Variants in USP32 observed in about 807,000 individuals in gnomAD.
USP32 encodes the protein ubiquitin carboxyl-terminal hydrolase 32.
Under a neutral mutation model 204.8 loss-of-function variants are expected in USP32, and 59 were observed. That is an observed-to-expected ratio of 0.29 (90% confidence interval 0.23 to 0.36). The LOEUF (loss-of-function observed/expected upper bound fraction) is 0.36, where lower values mean the gene tolerates loss of function less well. USP32 is among the 10% of genes least tolerant of loss of function. The pLI, the probability that USP32 is intolerant of heterozygous loss-of-function variation, is 1.00. For synonymous variants in USP32, 517 were observed against 678.4 expected (o/e 0.76, Z 3.70); for missense variants, 1,160 against 1,946.4 (o/e 0.60, Z 7.60).
intron 1 of USP32, among the ~76,000 whole-genome samples, chr17:60,381,103 G>T (rs2089639615): frequency 6.6e-6 from 1 of 152,110 alleles, no homozygotes; most frequent in Non-Finnish European, 1.5e-5. Context: ...CTCCTTTAAG[G>T]AGAAAGCACA....
At chr17:60,392,663 C>A (rs549441537), upstream of USP32, 1 of 446,314 alleles carries the variant, frequency 2.2e-6, no homozygotes, top group South Asian at 1.6e-5. Flanking sequence ...GAGCTCCCAA[C>A]CTTAGGGACG....
chr17:60,329,317 A>C (rs748772883), intron 2 of USP32, among the ~76,000 whole-genome samples: 1 of 151,344 alleles, frequency 6.6e-6, no homozygotes, highest in African/African-American at 2.4e-5. Flanking sequence ...AGAGTTCCAG[A>C]GGGGTCTTAG....
At chr17:60,227,271 CTTTTTTTT>C (rs376585619) in intron 12 of USP32, among the ~76,000 whole-genome samples, 7 of 122,890 alleles carry the variant, frequency 5.7e-5, no homozygotes, top group Non-Finnish European at 8.1e-5. Flanking sequence ...TTCTTTTTTT[CTTTTTTTT>C]TTTTTTTTGA....
chr17:60,421,959 G>GT (rs1450633881), intron 1 of USP32: 1 of 985,110 alleles, frequency 1.0e-6, no homozygotes, highest in Non-Finnish European at 1.2e-6. Flanking sequence ...TACAGAGCCC[G>GT]TAGGCACTGG....
At chr17:60,179,702 C>T (rs186457779) in intron 33 of USP32, among the ~76,000 whole-genome samples, 10 of 152,300 alleles carry the variant, frequency 6.6e-5, no homozygotes, top group Admixed American at 2.0e-4. Flanking sequence ...GATGGAGTCT[C>T]GCTCTGTCAC....
intron 11 of USP32, among the ~76,000 whole-genome samples, chr17:60,240,745 T>A (rs140025044): frequency 0.01 from 1,552 of 152,306 alleles, 13 homozygotes; most frequent in Middle Eastern, 0.031. Flanking sequence ...AGTGTGCTTT[T>A]GGGTACTTTA....
In USP32 at chr17:60,185,576, G is replaced by A. The variant is rs189554280; in HGVS notation, c.3718C>T (p.Arg1240Cys). The change falls in exon 30 of 34, where the codon CGT becomes TGT. Residue 1240 changes from arginine to cysteine, a missense_variant. Physicochemically the swap from Arg to Cys is radical, Grantham distance 180. Transcript: ENST00000300896. ...AEPINLDSCLRAFTSEEELGE... is the reference protein window; with the variant it reads ...AEPINLDSCLCAFTSEEELGE... Reference sequence around the variant, plus strand: ...AGCTCTTCCTCACTGGTGAAAGCACGGAGACAGCTGTCCAGGTTGATGGGC... The same window carrying A: ...AGCTCTTCCTCACTGGTGAAAGCACAGAGACAGCTGTCCAGGTTGATGGGC... 42 of 1,611,962 alleles carry A rather than the reference G, an allele frequency of 2.6e-5. No individual in the cohort carries two copies. The highest frequency in any genetic ancestry group is 2.0e-4 in the Admixed American group (12 of 60,006).
At chr17:60,351,303 C>T (rs1048008228) in intron 1 of USP32, among the ~76,000 whole-genome samples, 6 of 152,184 alleles carry the variant, frequency 3.9e-5, no homozygotes, top group Admixed American at 6.5e-5. Context: ...TCAAGTGATC[C>T]TCCCACCTCA....
intron 2 of USP32, among the ~76,000 whole-genome samples, chr17:60,335,418 C>A (rs375640848): frequency 2.1e-5 from 3 of 143,010 alleles, no homozygotes; most frequent in Admixed American, 2.0e-4. Context: ...AAAGTCCTAT[C>A]CAGTTCCTAC....
intron 12 of USP32, among the ~76,000 whole-genome samples, chr17:60,227,835 T>C (rs1377804619): frequency 6.6e-6 from 1 of 152,160 alleles, no homozygotes; most frequent in African/African-American, 2.4e-5. Flanking sequence ...TGCTTCACTT[T>C]AGTAGCCAAA....
intron 5 of USP32, among the ~76,000 whole-genome samples, chr17:60,287,819 A>C (rs1218943653): frequency 6.6e-6 from 1 of 152,210 alleles, no homozygotes; most frequent in Non-Finnish European, 1.5e-5. Flanking sequence ...ACTGACAAAA[A>C]AAAAATTTCT....
intron 2 of USP32, among the ~76,000 whole-genome samples, chr17:60,303,678 C>G (rs1458300452): frequency 6.6e-6 from 1 of 152,158 alleles, no homozygotes; most frequent in Non-Finnish European, 1.5e-5. Context: ...GGCTCAGTCT[C>G]TTCTGTCCTA....
At chr17:60,405,551 C>G (rs2143040178) in intron 1 of USP32, among the ~76,000 whole-genome samples, 1 of 152,194 alleles carries the variant, frequency 6.6e-6, no homozygotes, top group Non-Finnish European at 1.5e-5. Context: ...TGCTTGAGCC[C>G]AAGAATTCGA....
intron 1 of USP32, among the ~76,000 whole-genome samples, chr17:60,390,502 T>C: frequency 6.6e-6 from 1 of 152,162 alleles, no homozygotes; most frequent in East Asian, 1.9e-4. Flanking sequence ...TCAAATGAGA[T>C]TGTCCATAAA....
intron 12 of USP32, among the ~76,000 whole-genome samples, chr17:60,227,302 C>T: frequency 7.0e-6 from 1 of 142,040 alleles, no homozygotes; most frequent in Non-Finnish European, 1.5e-5. Context: ...CGGAGTCTTA[C>T]TCTGTCACCC....
At chr17:60,228,272 T>G (rs1255370065) in intron 12 of USP32, among the ~76,000 whole-genome samples, 1 of 152,164 alleles carries the variant, frequency 6.6e-6, no homozygotes, top group African/African-American at 2.4e-5. Flanking sequence ...TGCCTTGGCC[T>G]CCCAGTGTGC....
At chr17:60,403,326 T>C (rs2089950752) in intron 1 of USP32, among the ~76,000 whole-genome samples, 1 of 152,200 alleles carries the variant, frequency 6.6e-6, no homozygotes, top group African/African-American at 2.4e-5. Context: ...AAGCTGTATC[T>C]TATGACCTAG....
intron 12 of USP32, among the ~76,000 whole-genome samples, chr17:60,227,267 T>C (rs1320436024): frequency 7.2e-6 from 1 of 138,400 alleles, no homozygotes. Context: ...TCTTTTCTTT[T>C]TTTCTTTTTT....
At chr17:60,353,217 A>G (rs1197355100) in intron 1 of USP32, among the ~76,000 whole-genome samples, 1 of 152,208 alleles carries the variant, frequency 6.6e-6, no homozygotes, top group Non-Finnish European at 1.5e-5. Flanking sequence ...CAACATAGGC[A>G]CAGAGGAAAG....
Sources: allele counts gnomAD v4.1 joint callset (sites outside exome capture counted in the v4.1 genomes callset), GRCh38; gene constraint gnomAD v4.1.1; transcripts MANE v1.5; gene names NCBI Gene and HGNC (gene_info 2026-07-23, HGNC 2026-07-21).